The following TRIM71 variants were observed in gnomAD, a reference collection of about 807,000 sequenced individuals.
TRIM71 encodes the protein E3 ubiquitin-protein ligase TRIM71.
In TRIM71, 9 loss-of-function variants were observed where a neutral mutation model predicts 61.2. That is an observed-to-expected ratio of 0.15 (90% CI 0.09 to 0.26). The LOEUF (loss-of-function observed/expected upper bound fraction) is 0.26. TRIM71 is among the 10% of genes least tolerant of loss of function. TRIM71 has a pLI of 1.00. For synonymous variants in TRIM71, 645 were observed against 553.2 expected, an observed-to-expected ratio of 1.17 and a Z score of -2.33; for missense variants, 998 against 1,238.7, an observed-to-expected ratio of 0.81 and a Z score of 2.92.
intron 1 of TRIM71, among the ~76,000 whole-genome samples, chr3:32,821,286 C>T (rs1481793826): frequency 1.3e-5 from 2 of 152,258 alleles, no homozygotes; most frequent in East Asian, 3.9e-4. Context: ...CTGTCTACCT[C>T]AATTTTTAAG....
At position 32,856,890 on chromosome 3, in the gene TRIM71, G is replaced by A. The variant is rs548524258; in HGVS notation, c.853-16928G>A. ...TGCCACGGACATTTTTGGGTTTCATGTACTCTCAGGATGAATTCTCCACCA... is the reference window on the plus strand; with the variant it reads ...TGCCACGGACATTTTTGGGTTTCATATACTCTCAGGATGAATTCTCCACCA... On this transcript the variant is annotated intron_variant, in intron 1 of 3. Transcript: ENST00000383763. Among the ~76,000 whole-genome samples the A allele has an allele frequency of 1.9e-4, 29 of 152,250 alleles. No homozygotes were observed. The South Asian group carries it at 2.9e-3, about 15-fold the overall frequency.
intron 1 of TRIM71, among the ~76,000 whole-genome samples, chr3:32,870,768 G>C (rs190607486): frequency 6.6e-6 from 1 of 152,234 alleles, no homozygotes; most frequent in Admixed American, 6.5e-5. Flanking sequence ...TACATAGTTG[G>C]AGTCTGGAAT....
chr3:32,876,534 A>G (rs920614644), intron 2 of TRIM71, among the ~76,000 whole-genome samples: 2 of 152,238 alleles, frequency 1.3e-5, no homozygotes, highest in African/African-American at 2.4e-5. Flanking sequence ...CAGTGAGCCG[A>G]GATCGTGCCA....
intron 1 of TRIM71, among the ~76,000 whole-genome samples, chr3:32,826,364 G>A (rs964683418): frequency 6.6e-6 from 1 of 152,086 alleles, no homozygotes; most frequent in African/African-American, 2.4e-5. Flanking sequence ...CTTGAGCGTG[G>A]GAGGCGGAGG....
chr3:32,824,231 G>T (rs1382146947), intron 1 of TRIM71, among the ~76,000 whole-genome samples: 2 of 152,040 alleles, frequency 1.3e-5, no homozygotes, highest in African/African-American at 4.8e-5. Context: ...AGGCTGGAGT[G>T]CGGTGGTGCA....
chr3:32,871,200 A>G (rs1696791486), intron 1 of TRIM71, among the ~76,000 whole-genome samples: 1 of 152,126 alleles, frequency 6.6e-6, no homozygotes, highest in South Asian at 2.1e-4. Flanking sequence ...TGAAGCCCAG[A>G]CAGGTCAAGA....
chr3:32,827,265 A>ATTTTTTTTTT (rs1167469115), intron 1 of TRIM71, among the ~76,000 whole-genome samples: 1 of 117,478 alleles, frequency 8.5e-6, no homozygotes, highest in African/African-American at 3.0e-5. Flanking sequence ...TAGGGGGATA[A>ATTTTTTTTTT]TTCTTTTTTT....
chr3:32,852,255 G>A (rs192801896), intron 1 of TRIM71, among the ~76,000 whole-genome samples: 714 of 152,288 alleles, frequency 4.7e-3, no homozygotes, highest in Non-Finnish European at 8.2e-3. Flanking sequence ...TCCTGGAGAA[G>A]GACATTGAGG....
intron 1 of TRIM71, among the ~76,000 whole-genome samples, chr3:32,866,965 G>T (rs1446129933): frequency 6.6e-6 from 1 of 152,192 alleles, no homozygotes; most frequent in Non-Finnish European, 1.5e-5. Context: ...AGTGCTAACA[G>T]ATGACATTTT....
At chr3:32,843,935 A>G (rs940790637) in intron 1 of TRIM71, among the ~76,000 whole-genome samples, 6 of 152,154 alleles carry the variant, frequency 3.9e-5, no homozygotes, top group African/African-American at 7.2e-5. Flanking sequence ...ATGTTATGCA[A>G]ATAACTCCAG....
At chr3:32,884,440 A>C (rs936775399) in intron 2 of TRIM71, among the ~76,000 whole-genome samples, 2 of 152,002 alleles carry the variant, frequency 1.3e-5, no homozygotes, top group African/African-American at 2.4e-5. Context: ...GCTCATGCCT[A>C]TAATGCCAGC....
At chr3:32,841,867 C>A (rs941579981) in intron 1 of TRIM71, among the ~76,000 whole-genome samples, 1 of 152,120 alleles carries the variant, frequency 6.6e-6, no homozygotes, top group Non-Finnish European at 1.5e-5. Context: ...AGGAGTCTTG[C>A]CATGTTGCCC....
chr3:32,855,170 G>A (rs1696581703), intron 1 of TRIM71, among the ~76,000 whole-genome samples: 1 of 152,172 alleles, frequency 6.6e-6, no homozygotes, highest in Admixed American at 6.5e-5. Context: ...TCCACTGGGG[G>A]TCTTGGACGT....
chr3:32,856,475 T>C (rs1405263384), intron 1 of TRIM71, among the ~76,000 whole-genome samples: 1 of 152,078 alleles, frequency 6.6e-6, no homozygotes, highest in Non-Finnish European at 1.5e-5. Context: ...GATAACACTT[T>C]GAGGGCAAGG....
rs545693528 is a variant in TRIM71, at chr3:32,871,872, G to A, written c.853-1946G>A. Among the ~76,000 whole-genome samples the A allele has an allele frequency of 3.9e-5, 6 of 152,338 alleles. No individual in the cohort carries two copies. In the East Asian group the frequency reaches 5.8e-4, roughly 15 times the overall value. ...ATAAAGTAGGATCTGGGCCGGGTGC[G>A]TTGGCTCACGCCTGTAATCCCAGCA... On this transcript the variant is annotated intron_variant, in intron 1 of 3. Coordinates refer to ENST00000383763, the MANE Select transcript of TRIM71 (RefSeq NM_001039111.3).
chr3:32,877,835 C>A (rs545139431), intron 2 of TRIM71, among the ~76,000 whole-genome samples: 18 of 152,270 alleles, frequency 1.2e-4, no homozygotes, highest in Non-Finnish European at 2.1e-4. Flanking sequence ...GATCCCAACC[C>A]TAATCAGTGA....
At chr3:32,873,348 T>TA (rs1319837699) in intron 1 of TRIM71, among the ~76,000 whole-genome samples, 1 of 152,188 alleles carries the variant, frequency 6.6e-6, no homozygotes, top group Non-Finnish European at 1.5e-5. Flanking sequence ...TACTGGCTCT[T>TA]AACCTTGCTT....
chr3:32,832,488 A>G (rs890149132), intron 1 of TRIM71, among the ~76,000 whole-genome samples: 4 of 152,172 alleles, frequency 2.6e-5, no homozygotes, highest in Non-Finnish European at 1.5e-5. Context: ...TGGAATCCAA[A>G]TAAGTTCAGA....
intron 1 of TRIM71, among the ~76,000 whole-genome samples, chr3:32,870,121 A>T (rs914917676): frequency 6.6e-6 from 1 of 152,188 alleles, no homozygotes; most frequent in African/African-American, 2.4e-5. Flanking sequence ...CGATTGTTTT[A>T]ACAGCTCTAA....
Sources: allele counts gnomAD v4.1 joint callset (sites outside exome capture counted in the v4.1 genomes callset), GRCh38; gene constraint gnomAD v4.1.1; transcripts MANE v1.5; gene names NCBI Gene and HGNC (gene_info 2026-07-23, HGNC 2026-07-21).